Variants in MARCHF10 observed in about 807,000 individuals in gnomAD.
The protein encoded by MARCHF10 is probable E3 ubiquitin-protein ligase MARCHF10.
A neutral mutation model predicts 76.2 loss-of-function variants in MARCHF10; 64 were observed. That is an observed-to-expected ratio of 0.84 (90% CI 0.69 to 1.03). MARCHF10 has a LOEUF of 1.03. MARCHF10 is among the 50% of genes least tolerant of loss of function. MARCHF10 has a pLI of 0.00. For synonymous variants in MARCHF10, 340 were observed against 357.5 expected (o/e 0.95, Z 0.55); for missense variants, 875 against 958.0 (o/e 0.91, Z 1.14).
At chr17:62,792,533 C>T (rs558392411) in intron 2 of MARCHF10, among the ~76,000 whole-genome samples, 1 of 151,524 alleles carries the variant, frequency 6.6e-6, no homozygotes, top group East Asian at 1.9e-4. Flanking sequence ...CCATCTCCAT[C>T]ACCACCACCA....
intron 10 of MARCHF10, 143 bp downstream of exon 10, chr17:62,705,392 GCTGA>G: frequency 6.5e-7 from 1 of 1,543,616 alleles, no homozygotes; most frequent in South Asian, 1.2e-5. Flanking sequence ...GTTTGCTGCG[GCTGA>G]CTTTCCCAAG....
chr17:62,787,833 G>C (rs1347270284), intron 3 of MARCHF10, among the ~76,000 whole-genome samples: 1 of 152,076 alleles, frequency 6.6e-6, no homozygotes, highest in African/African-American at 2.4e-5. Flanking sequence ...TATGTATAAA[G>C]TGCTTCGTAT....
At chr17:62,793,262 CCCACCA>C (rs375516066) in intron 2 of MARCHF10, among the ~76,000 whole-genome samples, 1 of 133,832 alleles carries the variant, frequency 7.5e-6, no homozygotes, top group African/African-American at 2.8e-5. Flanking sequence ...ACTATCACCA[CCCACCA>C]CCACCACAAC....
intron 4 of MARCHF10, chr17:62,746,948 G>A (rs368791164): frequency 2.5e-5 from 39 of 1,535,880 alleles, no homozygotes; most frequent in African/African-American, 8.2e-5. Flanking sequence ...GTCTGTTTCC[G>A]GTTTATTCCA....
chr17:62,722,235 G>T (rs888962116), intron 8 of MARCHF10, among the ~76,000 whole-genome samples: 1 of 140,740 alleles, frequency 7.1e-6, no homozygotes, highest in Non-Finnish European at 1.5e-5. Context: ...GTGAGATTGT[G>T]CCACTGCATT....
chr17:62,761,065 C>CT (rs1296944766), intron 3 of MARCHF10, among the ~76,000 whole-genome samples: 3 of 152,324 alleles, frequency 2.0e-5, no homozygotes, highest in East Asian at 1.9e-4. Flanking sequence ...GGAAAATACT[C>CT]TGAGTAGCTT....
chr17:62,802,313 G>C (rs574880367), intron 1 of MARCHF10, among the ~76,000 whole-genome samples: 1 of 152,032 alleles, frequency 6.6e-6, no homozygotes, highest in Non-Finnish European at 1.5e-5. Context: ...TCCGCCTCCC[G>C]GGTTCAAGCG....
chr17:62,777,561 T>C (rs939273537), intron 3 of MARCHF10, among the ~76,000 whole-genome samples: 3 of 151,180 alleles, frequency 2.0e-5, no homozygotes, highest in Non-Finnish European at 2.9e-5. Context: ...CTACTAAAAA[T>C]ACAAAAAATT....
intron 4 of MARCHF10, 42 bp downstream of exon 4, chr17:62,759,793 G>C (rs562960218): frequency 6.3e-7 from 1 of 1,592,550 alleles, no homozygotes; most frequent in Non-Finnish European, 8.6e-7. Flanking sequence ...TTTTAATACC[G>C]GGATTTTAGA....
chr17:62,792,198 C>T (rs1363842450), intron 2 of MARCHF10, among the ~76,000 whole-genome samples: 3 of 151,960 alleles, frequency 2.0e-5, no homozygotes, highest in Non-Finnish European at 4.4e-5. Context: ...GAAGGTACCA[C>T]TGTGGGGGCA....
At chr17:62,793,352 C>T (rs572942991) in intron 2 of MARCHF10, among the ~76,000 whole-genome samples, 1 of 148,388 alleles carries the variant, frequency 6.7e-6, no homozygotes, top group African/African-American at 2.5e-5. Context: ...TCAACCACCA[C>T]CATCACACCT....
chr17:62,746,790 T>C, intron 4 of MARCHF10: 1 of 987,854 alleles, frequency 1.0e-6, no homozygotes, highest in Non-Finnish European at 1.5e-6. Context: ...AGCAGAATAT[T>C]CAAAGTTCCC....
At position 62,738,612 on chromosome 17, in the gene MARCHF10, C is replaced by T. The variant is rs1384825442; in HGVS notation, c.536-1280G>A. Among the ~76,000 whole-genome samples, 1 of 152,142 alleles carries T rather than the reference C, an allele frequency of 6.6e-6. No homozygotes were observed. Among genetic ancestry groups the T allele is most frequent in the Non-Finnish European group, 1.5e-5 (1 of 68,036 alleles). ...GATAACAGCTCGGGCTGGTGAAATG[C>T]AAATCCTCAGAGCATCGGGCACCAC... is the stretch of plus-strand genomic sequence containing the variant. On this transcript the variant is annotated intron_variant, in intron 5 of 10. Transcript: ENST00000311269. The surrounding 1 kb of genome is among the most constrained non-coding windows in gnomAD (Gnocchi z 4.0).
At chr17:62,768,118 C>G (rs528324518) in intron 3 of MARCHF10, among the ~76,000 whole-genome samples, 1 of 152,306 alleles carries the variant, frequency 6.6e-6, no homozygotes, top group East Asian at 1.9e-4. Flanking sequence ...GCACATCTCA[C>G]CAGGACTGTC....
chr17:62,759,366 T>A (rs752988946), intron 4 of MARCHF10, among the ~76,000 whole-genome samples: 1 of 152,206 alleles, frequency 6.6e-6, no homozygotes, highest in Non-Finnish European at 1.5e-5. Flanking sequence ...GACCTTATAT[T>A]CTACTCTGAA....
chr17:62,713,632 T>C (rs1302518153), intron 8 of MARCHF10, among the ~76,000 whole-genome samples: 3 of 152,222 alleles, frequency 2.0e-5, no homozygotes, highest in African/African-American at 7.2e-5. Flanking sequence ...ACTCCTGAGC[T>C]ACAAGTGGGA....
chr17:62,761,141 G>A (rs2092190617), intron 3 of MARCHF10, among the ~76,000 whole-genome samples: 1 of 152,170 alleles, frequency 6.6e-6, no homozygotes, highest in Non-Finnish European at 1.5e-5. Flanking sequence ...TCAGTCTTCT[G>A]TAAAGAAGTC....
intron 4 of MARCHF10, among the ~76,000 whole-genome samples, chr17:62,752,656 G>T (rs1422051990): frequency 6.7e-6 from 1 of 148,246 alleles, no homozygotes; most frequent in Non-Finnish European, 1.5e-5. Context: ...TTTTAATAGA[G>T]ATGGGGTCTT....
chr17:62,701,446 C>A lies in MARCHF10; in HGVS notation c.*257G>T. ...TGGCAGGGCTTCTGGGCTAAGGGGG[C>A]AGCACCAGGCCAGCCTGCCAGGGGC... On this transcript the variant is annotated 3_prime_UTR_variant, in exon 11 of 11. Transcript: ENST00000311269. The A allele has an allele frequency of 1.3e-6, 1 of 767,302 alleles. No homozygotes were observed. Among genetic ancestry groups the A allele is most frequent in the Non-Finnish European group, 2.0e-6 (1 of 506,822 alleles). The allele number at this position is 767,302 out of a possible 1,614,324, so 47.5% of individuals were successfully genotyped here. A position where few individuals can be genotyped will look rare whatever the true frequency, so the allele number is the denominator to read the frequency against.
Sources: allele counts gnomAD v4.1 joint callset (sites outside exome capture counted in the v4.1 genomes callset), GRCh38; gene constraint gnomAD v4.1.1; non-coding constraint Gnocchi (gnomAD v3.1); transcripts MANE v1.5; gene names NCBI Gene and HGNC (gene_info 2026-07-23, HGNC 2026-07-21).